Variants in GABRB1 observed in about 807,000 individuals in gnomAD.
GABRB1 encodes the protein gamma-aminobutyric acid type A receptor subunit beta1.
A neutral mutation model predicts 51.6 loss-of-function variants in GABRB1; 17 were observed. That is an observed-to-expected ratio of 0.33 (90% CI 0.23 to 0.49). The LOEUF (loss-of-function observed/expected upper bound fraction) is 0.49, where lower values mean the gene tolerates loss of function less well. Among genes scored for constraint, GABRB1 ranks in the 20% least tolerant of loss-of-function variants. The probability of loss-of-function intolerance (pLI) is 0.99; values close to 1 mark genes in which losing one functional copy is unlikely to be tolerated. For synonymous variants in GABRB1, 247 were observed against 218.9 expected, an observed-to-expected ratio of 1.13 and a Z score of -1.14; for missense variants, 410 against 600.6, an observed-to-expected ratio of 0.68 and a Z score of 3.32.
chr4:47,070,434 C>T (rs978199517), intron 3 of GABRB1, among the ~76,000 whole-genome samples: 9 of 152,002 alleles, frequency 5.9e-5, no homozygotes, highest in East Asian at 3.9e-4. Flanking sequence ...CGAGTTCAAG[C>T]GATTCTCCTG....
At chr4:47,161,081 C>T (rs1310114773) in intron 3 of GABRB1, among the ~76,000 whole-genome samples, 168 bp from the exon 4 acceptor site, 2 of 152,038 alleles carry the variant, frequency 1.3e-5, no homozygotes, top group Non-Finnish European at 2.9e-5. Flanking sequence ...ACATGATCCA[C>T]AGTGCCAGGC....
Position 47,178,400 on chromosome 4 carries a change from C to A in GABRB1, c.461+16931C>A, listed in dbSNP as rs149681210. On this transcript the variant is annotated intron_variant, in intron 4 of 8. Coordinates refer to ENST00000295454, the MANE Select transcript of GABRB1 (RefSeq NM_000812.4). ...CCTTTGCATTACCTTTGATGATATC[C>A]GCTCCTGTCCTTTAGAATCTCTCCA... Among the ~76,000 whole-genome samples, 131 of 152,184 alleles carry A rather than the reference C, an allele frequency of 8.6e-4. 1 individual carries two copies. Among genetic ancestry groups the A allele is most frequent in the African/African-American group, 2.9e-3 (120 of 41,542 alleles).
chr4:47,057,831 T>C (rs139418404), intron 3 of GABRB1, among the ~76,000 whole-genome samples: 133 of 152,312 alleles, frequency 8.7e-4, no homozygotes, highest in African/African-American at 3.0e-3. Flanking sequence ...GTCACTAGTG[T>C]TGAAGCATGC....
At chr4:47,291,827 C>A (rs935861922) in intron 4 of GABRB1, among the ~76,000 whole-genome samples, 2 of 152,200 alleles carry the variant, frequency 1.3e-5, no homozygotes, top group East Asian at 1.9e-4. Flanking sequence ...CCTGTACCCC[C>A]CACTGTATCT....
At chr4:47,332,762 T>C (rs554911603) in intron 5 of GABRB1, among the ~76,000 whole-genome samples, 1 of 152,126 alleles carries the variant, frequency 6.6e-6, no homozygotes, top group East Asian at 1.9e-4. Flanking sequence ...TAACCTCCTC[T>C]TTTAATAGAC....
At chr4:47,329,156 T>G (rs1725368666) in intron 5 of GABRB1, among the ~76,000 whole-genome samples, 1 of 152,012 alleles carries the variant, frequency 6.6e-6, no homozygotes, top group Non-Finnish European at 1.5e-5. Context: ...TAAGTCCAGT[T>G]TTTAATGCCA....
intron 3 of GABRB1, among the ~76,000 whole-genome samples, chr4:47,128,801 T>C (rs1261507187): frequency 6.6e-6 from 1 of 152,042 alleles, no homozygotes; most frequent in East Asian, 1.9e-4. Context: ...TAACTTTCTT[T>C]ACCTTCGGAT....
intron 5 of GABRB1, among the ~76,000 whole-genome samples, chr4:47,347,731 G>T (rs935844543): frequency 1.3e-5 from 2 of 152,136 alleles, no homozygotes; most frequent in African/African-American, 4.8e-5. Context: ...AGTTTTTAAC[G>T]TAATTATGAG....
chr4:47,078,964 A>ATGGTGGAT (rs1727698473), intron 3 of GABRB1, among the ~76,000 whole-genome samples: 1 of 152,166 alleles, frequency 6.6e-6, no homozygotes, highest in Middle Eastern at 3.2e-3. Context: ...GATGAAGCCC[A>ATGGTGGAT]CTTGATCATG....
chr4:47,301,258 T>G (rs534327225), intron 4 of GABRB1, among the ~76,000 whole-genome samples: 21 of 152,148 alleles, frequency 1.4e-4, no homozygotes, highest in Non-Finnish European at 2.4e-4. Context: ...CATTGGATAT[T>G]ATAGTAGATT....
chr4:47,105,646 C>T (rs1006272378), intron 3 of GABRB1, among the ~76,000 whole-genome samples: 19 of 152,104 alleles, frequency 1.2e-4, no homozygotes, highest in Non-Finnish European at 2.4e-4. Flanking sequence ...CTTCATGTCT[C>T]TTCCTCTAGA....
At chr4:47,347,675 T>C (rs1238251541) in intron 5 of GABRB1, among the ~76,000 whole-genome samples, 1 of 152,168 alleles carries the variant, frequency 6.6e-6, no homozygotes, top group Non-Finnish European at 1.5e-5. Context: ...TTTGCAAATA[T>C]ATATATTTTT....
intron 3 of GABRB1, among the ~76,000 whole-genome samples, chr4:47,131,558 C>T (rs529551678): frequency 2.3e-4 from 35 of 152,214 alleles, no homozygotes; most frequent in African/African-American, 8.4e-4. Flanking sequence ...ATGGCCAAAA[C>T]TGCAATTTTT....
chr4:46,997,476 G>A (rs944427964), intron 1 of GABRB1, among the ~76,000 whole-genome samples: 27 of 151,158 alleles, frequency 1.8e-4, no homozygotes, highest in Admixed American at 4.0e-4. Context: ...AACTTCGTAC[G>A]CTTCAAGCTG....
Position 47,315,684 on chromosome 4 carries a change from G to A in GABRB1, c.462-4443G>A, listed in dbSNP as rs573565317. ...AGAAAATGTGATACATATACACCAT[G>A]GAATACTACACAACCTTAAAAAAGA... On this transcript the variant is annotated intron_variant, in intron 4 of 8. Transcript: ENST00000295454. Among the ~76,000 whole-genome samples, 20 of 152,088 alleles carry A rather than the reference G, an allele frequency of 1.3e-4. No individual in the cohort carries two copies. The South Asian group carries it at 4.2e-3, about 32-fold the overall frequency.
chr4:47,228,101 A>C (rs1721015828), intron 4 of GABRB1, among the ~76,000 whole-genome samples: 1 of 152,154 alleles, frequency 6.6e-6, no homozygotes, highest in East Asian at 1.9e-4. Context: ...TACCCTGTGA[A>C]CTCTCAAAAT....
chr4:47,361,979 GGATAATT>G (rs1291399196), intron 5 of GABRB1, among the ~76,000 whole-genome samples: 253 of 152,178 alleles, frequency 1.7e-3, no homozygotes, highest in Non-Finnish European at 3.2e-3. Context: ...CCAATGACAT[GGATAATT>G]TGCCTAGTGA....
chr4:47,382,139 C>A (rs532518840), intron 5 of GABRB1, among the ~76,000 whole-genome samples: 18 of 152,244 alleles, frequency 1.2e-4, no homozygotes, highest in African/African-American at 4.3e-4. Context: ...GTTACATCAC[C>A]AAAACAAATG....
chr4:47,047,974 G>A (rs1342652533), intron 3 of GABRB1, among the ~76,000 whole-genome samples: 1 of 152,060 alleles, frequency 6.6e-6, no homozygotes, highest in African/African-American at 2.4e-5. Flanking sequence ...TCCTTAGAAA[G>A]CTTCAGAACA....
Sources: allele counts gnomAD v4.1 joint callset (sites outside exome capture counted in the v4.1 genomes callset), GRCh38; gene constraint gnomAD v4.1.1; transcripts MANE v1.5; gene names NCBI Gene and HGNC (gene_info 2026-07-23, HGNC 2026-07-21).